The following ZBTB37 variants were observed in gnomAD, a reference collection of about 807,000 sequenced individuals.
ZBTB37 encodes the protein zinc finger and BTB domain containing 37.
ZBTB37 carries 15 observed loss-of-function variants against 37.7 expected under a neutral mutation model. The observed-to-expected ratio is 0.40, with a 90% CI of 0.27 to 0.61. The LOEUF is 0.61. Ranked by LOEUF, ZBTB37 falls within the 20% of genes least tolerant of loss-of-function variation. The pLI is 0.44. For missense variants in ZBTB37, 514 were observed against 641.9 expected, an observed-to-expected ratio of 0.80 and a Z score of 2.15; for synonymous variants, 231 against 220.6, an observed-to-expected ratio of 1.05 and a Z score of -0.42.
intron 4 of ZBTB37, among the ~76,000 whole-genome samples, chr1:173,883,253 C>CA (rs1424477947): frequency 6.6e-6 from 1 of 152,200 alleles, no homozygotes; most frequent in African/African-American, 2.4e-5. Context: ...CCAAGGCGGG[C>CA]AGATCACCTG....
At chr1:173,875,324 A>ATT (rs1655893192) in intron 4 of ZBTB37, among the ~76,000 whole-genome samples, 2 of 91,774 alleles carry the variant, frequency 2.2e-5, no homozygotes, top group African/African-American at 1.4e-4. Context: ...GTGCATATAT[A>ATT]TATATATTTT....
At chr1:173,893,612 G>A (rs374099284) in exon 4 of ZBTB37, 5 of 152,302 alleles carry the variant, frequency 3.3e-5, no homozygotes, top group South Asian at 2.1e-4. Context: ...GTGCTTTATC[G>A]TCATAACTGT....
chr1:173,872,506 T>C (rs1172231417), intron 3 of ZBTB37, among the ~76,000 whole-genome samples: 1 of 152,098 alleles, frequency 6.6e-6, no homozygotes, highest in Non-Finnish European at 1.5e-5. Flanking sequence ...TGGCTTCAGG[T>C]GATCTTGATT....
chr1:173,870,271 A>G (rs781586093), exon 3 of ZBTB37: 2 of 1,614,120 alleles, frequency 1.2e-6, no homozygotes, highest in Non-Finnish European at 1.7e-6. Context: ...TGACTTCAGC[A>G]ACTCTGTCCT....
intron 4 of ZBTB37, among the ~76,000 whole-genome samples, chr1:173,876,607 C>T (rs777664935): frequency 5.3e-5 from 8 of 152,120 alleles, no homozygotes; most frequent in Admixed American, 1.3e-4. Flanking sequence ...CATGAGCCAC[C>T]GTACCCAGCC....
At chr1:173,870,280 C>T (rs1655459157) in exon 3 of ZBTB37, 1 of 1,614,082 alleles carries the variant, frequency 6.2e-7, no homozygotes, top group African/African-American at 1.3e-5. Flanking sequence ...CAACTCTGTC[C>T]TGAGCCATCT....
intron 4 of ZBTB37, among the ~76,000 whole-genome samples, chr1:173,882,126 A>G (rs1345704093): frequency 6.6e-6 from 1 of 151,566 alleles, no homozygotes; most frequent in Non-Finnish European, 1.5e-5. Context: ...TTTTTCTTGT[A>G]AATTTGTTTA....
At chr1:173,870,402 T>C (rs144799687) in exon 3 of ZBTB37, 1,909 of 1,614,204 alleles carry the variant, frequency 1.2e-3, no homozygotes, top group Admixed American at 1.6e-3. Context: ...ATTTCCGGGA[T>C]CACATGTCCT....
chr1:173,873,702 C>A, intron 4 of ZBTB37, 136 bp downstream of exon 4: 1 of 1,368,696 alleles, frequency 7.3e-7, no homozygotes, highest in South Asian at 1.8e-5. Context: ...TTTTTTTTCC[C>A]TGAGGGTAGC....
intron 4 of ZBTB37, among the ~76,000 whole-genome samples, chr1:173,876,329 T>C (rs1655966071): frequency 6.6e-6 from 1 of 152,178 alleles, no homozygotes; most frequent in African/African-American, 2.4e-5. Flanking sequence ...ATTATTACTT[T>C]TTTTTTTAGA....
chr1:173,885,908 T>C (rs1457322521), exon 5 of ZBTB37: 14 of 1,551,764 alleles, frequency 9.0e-6, no homozygotes, highest in South Asian at 5.9e-5. Context: ...TTCACTGTCA[T>C]GTCTGTGGCA....
In ZBTB37 at chr1:173,883,406, G is replaced by T. The variant is rs545718277; in HGVS notation, c.1024-2230G>T. ...AGGCAGGAGAATTGCTTGAACCCGG[G>T]AGGCGGAGGTTGTGATGAGCCGAGA... On this transcript the variant is annotated intron_variant, in intron 4 of 4. Transcript: ENST00000427304. Among the ~76,000 whole-genome samples, 4 of 152,314 alleles carry T rather than the reference G, an allele frequency of 2.6e-5. 1 individual carries two copies. Among genetic ancestry groups the T allele is most frequent in the African/African-American group, 9.6e-5 (4 of 41,566 alleles).
intron 1 of ZBTB37, among the ~76,000 whole-genome samples, 198 bp downstream of exon 1, chr1:173,868,603 C>A (rs1655201912): frequency 6.6e-6 from 1 of 152,188 alleles, no homozygotes; most frequent in Non-Finnish European, 1.5e-5. Context: ...CGCCCCCTCG[C>A]GGGGCCCCTC....
At chr1:173,897,025 A>T (rs911052170) in exon 4 of ZBTB37, 4 of 152,202 alleles carry the variant, frequency 2.6e-5, no homozygotes, top group East Asian at 1.9e-4. Flanking sequence ...AATTTTTTTT[A>T]AAAAGTCTGT....
exon 4 of ZBTB37, chr1:173,892,715 A>C (rs1656888647): frequency 6.6e-6 from 1 of 152,196 alleles, no homozygotes; most frequent in African/African-American, 2.4e-5. Context: ...ACCATTATCA[A>C]TATATCAGTA....
chr1:173,900,249 G>A (rs1430898041), exon 4 of ZBTB37: 1 of 152,134 alleles, frequency 6.6e-6, no homozygotes, highest in Non-Finnish European at 1.5e-5. Context: ...AACTAGTTAA[G>A]GCTTAAGTAT....
exon 5 of ZBTB37, chr1:173,886,030 G>A (rs1203423686): frequency 1.9e-6 from 3 of 1,551,600 alleles, no homozygotes; most frequent in African/African-American, 1.4e-5. Flanking sequence ...GTCACATCTC[G>A]AGGACAAGCT....
chr1:173,881,837 A>G (rs1656328205), intron 4 of ZBTB37, among the ~76,000 whole-genome samples: 1 of 151,982 alleles, frequency 6.6e-6, no homozygotes, highest in African/African-American at 2.4e-5. Context: ...GGCGGATCAC[A>G]AGGTCAGGAG....
At chr1:173,877,637 C>T (rs1057423787) in intron 4 of ZBTB37, among the ~76,000 whole-genome samples, 1 of 152,030 alleles carries the variant, frequency 6.6e-6, no homozygotes, top group African/African-American at 2.4e-5. Flanking sequence ...CGCCTGTAAT[C>T]CCATCACTTG....
Sources: gnomAD v4.1 joint callset for allele counts (sites outside exome capture counted in the v4.1 genomes callset) on GRCh38, gnomAD v4.1.1 for gene constraint, MANE v1.5 for transcripts, NCBI Gene and HGNC (gene_info 2026-07-23, HGNC 2026-07-21) for gene names.